UEVLD: variants seen among roughly 807,000 people sequenced by gnomAD.
The protein encoded by UEVLD is UEV and lactate/malate dehyrogenase domains.
In UEVLD, 47 loss-of-function variants were observed where a neutral mutation model predicts 58.6. The ratio of observed to expected loss-of-function variants is 0.80; its 90% CI spans 0.63 to 1.02. UEVLD has a LOEUF of 1.02. UEVLD is among the 50% of genes least tolerant of loss of function. The pLI is 0.00. For synonymous variants in UEVLD, 197 were observed against 195.3 expected (o/e 1.01, Z -0.07); for missense variants, 510 against 550.6 (o/e 0.93, Z 0.74).
chr11:18,542,166 C>T (rs1490755453), intron 9 of UEVLD, among the ~76,000 whole-genome samples: 1 of 151,978 alleles, frequency 6.6e-6, no homozygotes, highest in Non-Finnish European at 1.5e-5. Flanking sequence ...AATAAACATT[C>T]TATAAGTTTT....
chr11:18,532,848 C>T (rs1019154412), intron 11 of UEVLD, among the ~76,000 whole-genome samples: 3 of 152,024 alleles, frequency 2.0e-5, no homozygotes, highest in Admixed American at 2.0e-4. Context: ...TCTCTGGGCA[C>T]AGTCATGACA....
At chr11:18,550,351 C>T (rs571015845) in intron 7 of UEVLD, among the ~76,000 whole-genome samples, 21 of 152,246 alleles carry the variant, frequency 1.4e-4, no homozygotes, top group Middle Eastern at 6.8e-3. Context: ...TATACTCATT[C>T]CCTAGAATAT....
chr11:18,556,568 G>A (rs73422539), intron 7 of UEVLD, among the ~76,000 whole-genome samples: 181 of 152,248 alleles, frequency 1.2e-3, no homozygotes, highest in African/African-American at 4.3e-3. Context: ...GAAAGGCAAA[G>A]GAAAGCCAAA....
At chr11:18,571,204 G>A (rs1852590703) in intron 3 of UEVLD, among the ~76,000 whole-genome samples, 1 of 152,134 alleles carries the variant, frequency 6.6e-6, no homozygotes, top group East Asian at 1.9e-4. Flanking sequence ...AAAGTTAACC[G>A]GGCATGGTGG....
At chr11:18,561,501 G>A (rs1380045936) in intron 6 of UEVLD, among the ~76,000 whole-genome samples, 1 of 151,814 alleles carries the variant, frequency 6.6e-6, no homozygotes, top group Non-Finnish European at 1.5e-5. Context: ...GGAGGCTGAG[G>A]TGGGAGAATC....
intron 1 of UEVLD, among the ~76,000 whole-genome samples, chr11:18,587,369 G>A (rs1853631329): frequency 6.6e-6 from 1 of 152,178 alleles, no homozygotes; most frequent in Non-Finnish European, 1.5e-5. Context: ...ATTCATTCAA[G>A]TCACTTACAT....
At chr11:18,558,943 C>T (rs971189442) in intron 6 of UEVLD, among the ~76,000 whole-genome samples, 1 of 151,558 alleles carries the variant, frequency 6.6e-6, no homozygotes, top group African/African-American at 2.4e-5. Flanking sequence ...GGTACAATCT[C>T]GGCTCACTGC....
intron 6 of UEVLD, among the ~76,000 whole-genome samples, chr11:18,559,126 G>A (rs1199303019): frequency 6.6e-6 from 1 of 151,926 alleles, no homozygotes. Flanking sequence ...TGCTCACCTT[G>A]GTCTCCCAAA....
rs1243079836 is a variant in UEVLD at position 18,531,122 on chromosome 11, T to C, written c.*1198A>G. On this transcript the variant is annotated 3_prime_UTR_variant, in exon 12 of 12. Coordinates refer to ENST00000396197, the MANE Select transcript of UEVLD (RefSeq NM_001040697.4). ...AGCTTTAGGGTCTTTTGATAACTAT[T>C]TTGGCTATTAAGCCTTTTCCCCCTT... 3 of 152,210 alleles carry C rather than the reference T, an allele frequency of 2.0e-5. No homozygotes were observed. Among genetic ancestry groups the C allele is most frequent in the African/African-American group, 4.8e-5 (2 of 41,440 alleles). The allele number at this position is 152,210 out of a possible 1,614,324, so 9.4% of individuals were successfully genotyped here. A position where few individuals can be genotyped will look rare whatever the true frequency, so the allele number is the denominator to read the frequency against.
At chr11:18,569,301 GGTTT>G in intron 4 of UEVLD, among the ~76,000 whole-genome samples, 1 of 152,016 alleles carries the variant, frequency 6.6e-6, no homozygotes, top group East Asian at 1.9e-4. Flanking sequence ...GATAAGCAAA[GGTTT>G]GTTTTAAGGA....
At chr11:18,554,698 T>C (rs190495688) in intron 7 of UEVLD, among the ~76,000 whole-genome samples, 5 of 152,164 alleles carry the variant, frequency 3.3e-5, no homozygotes, top group Admixed American at 1.3e-4. Flanking sequence ...GTGCCCAACA[T>C]CTTAACAGTT....
At chr11:18,582,435 TCTCA>T (rs1317713174) in intron 1 of UEVLD, among the ~76,000 whole-genome samples, 3 of 119,142 alleles carry the variant, frequency 2.5e-5, no homozygotes, top group African/African-American at 1.0e-4. Context: ...GGAGACAGGG[TCTCA>T]CTATGTCACC....
chr11:18,534,402 TA>T lies in UEVLD; in HGVS notation c.1175del (p.Leu392HisfsTer3). 6.3e-7 allele frequency: 1 copy of T among 1,580,024 alleles called. No homozygotes were observed. The highest frequency in any genetic ancestry group is 8.6e-7 in the Non-Finnish European group (1 of 1,169,330). ...VKGQRSWSVG[L>X]SVADMVDSIV... is the part of the protein sequence containing the mutation. ...TACTGTCAACCATGTCAGCTACTGA[TA>T]GTCCAACAGACCAGGATCTTTGACC... is the stretch of plus-strand genomic sequence containing the variant. On this transcript the variant is annotated frameshift_variant, in exon 11 of 12. Transcript: ENST00000396197. LOFTEE classifies it high-confidence loss of function.
chr11:18,543,729 T>C (rs1851165309), intron 9 of UEVLD, among the ~76,000 whole-genome samples: 1 of 152,196 alleles, frequency 6.6e-6, no homozygotes, highest in Non-Finnish European at 1.5e-5. Flanking sequence ...CCTGGCTTTA[T>C]AGCAAGAGAG....
intron 3 of UEVLD, among the ~76,000 whole-genome samples, chr11:18,573,073 A>G (rs1474295196): frequency 6.6e-6 from 1 of 152,182 alleles, no homozygotes; most frequent in African/African-American, 2.4e-5. Flanking sequence ...TAATGCAGGA[A>G]AAAAAGGTGG....
At chr11:18,559,189 T>C (rs879358017) in intron 6 of UEVLD, among the ~76,000 whole-genome samples, 2 of 150,292 alleles carry the variant, frequency 1.3e-5, no homozygotes, top group Non-Finnish European at 3.0e-5. Context: ...GGTTTCTTTT[T>C]CTTTTCTTTT....
chr11:18,562,159 A>G (rs1852066724), intron 6 of UEVLD, among the ~76,000 whole-genome samples: 1 of 151,812 alleles, frequency 6.6e-6, no homozygotes, highest in African/African-American at 2.4e-5. Flanking sequence ...ATCGCAGCTC[A>G]CTGCAGCCTC....
chr11:18,540,223 A>G (rs866968077), intron 9 of UEVLD, among the ~76,000 whole-genome samples: 1 of 152,204 alleles, frequency 6.6e-6, no homozygotes, highest in Non-Finnish European at 1.5e-5. Context: ...TATCTCATTG[A>G]GCCTTAAGTT....
intron 6 of UEVLD, among the ~76,000 whole-genome samples, chr11:18,558,726 T>C (rs914445342): frequency 5.4e-5 from 8 of 148,584 alleles, no homozygotes; most frequent in African/African-American, 1.7e-4. Context: ...AGAGTTGCAG[T>C]GAGCCAAGAT....
Sources: gnomAD v4.1 joint callset for allele counts (sites outside exome capture counted in the v4.1 genomes callset) on GRCh38, gnomAD v4.1.1 for gene constraint, MANE v1.5 for transcripts, NCBI Gene and HGNC (gene_info 2026-07-23, HGNC 2026-07-21) for gene names.